NRG4: variants seen among roughly 807,000 people sequenced by gnomAD.
The protein encoded by NRG4 is pro-neuregulin-4, membrane-bound isoform.
Under a neutral mutation model 15.0 loss-of-function variants are expected in NRG4, and 10 were observed. The ratio of observed to expected loss-of-function variants is 0.67; its 90% CI spans 0.41 to 1.13. The LOEUF (loss-of-function observed/expected upper bound fraction) is 1.13. Among genes scored for constraint, NRG4 ranks in the 50% most tolerant of loss-of-function variants. The pLI is 0.00. For synonymous variants in NRG4, 41 were observed against 50.1 expected (o/e 0.82, Z 0.77); for missense variants, 139 against 140.2 (o/e 0.99, Z 0.04).
upstream of NRG4, among the ~76,000 whole-genome samples, chr15:76,014,164 T>C (rs2034903107): frequency 6.6e-6 from 1 of 152,234 alleles, no homozygotes; most frequent in African/African-American, 2.4e-5. Context: ...TCTGTTCATA[T>C]CCTTCACTCA....
intron 4 of NRG4, among the ~76,000 whole-genome samples, chr15:75,958,859 G>C (rs2032372603): frequency 6.6e-6 from 1 of 152,184 alleles, no homozygotes; most frequent in African/African-American, 2.4e-5. Context: ...AAACTTTGCT[G>C]CTCTGGGGCA....
Position 76,044,704 on chromosome 15 carries a change from G to A in NRG4, c.-105+7363C>T, listed in dbSNP as rs905625302. On this transcript the variant is annotated intron_variant, in intron 4 of 8. Coordinates refer to the NRG4 transcript ENST00000563910. ...CAAAAAATTAGCCGGGCATAGTGGC[G>A]GGCACCTGTAGTCCCAGCTACTTGG... 8.6e-4 allele frequency among the ~76,000 whole-genome samples: 128 copies of A among 149,492 alleles called. 8 individuals are homozygous for A. The highest frequency in any genetic ancestry group is 3.0e-3 in the African/African-American group (119 of 39,758).
intron 3 of NRG4, among the ~76,000 whole-genome samples, chr15:75,996,214 A>G (rs1361755032): frequency 6.6e-6 from 1 of 152,200 alleles, no homozygotes; most frequent in Non-Finnish European, 1.5e-5. Context: ...TTTAGACACT[A>G]GCTCTGTAAG....
chr15:75,940,029 G>A (rs1478274055), downstream of NRG4: 1 of 150,710 alleles, frequency 6.6e-6, no homozygotes, highest in Non-Finnish European at 1.5e-5. Context: ...AAAAAGAAAA[G>A]ACATCTAAGT....
rs550040843 is a variant in NRG4, at chr15:75,963,738, A to G, written c.105-1764T>C. Among the ~76,000 whole-genome samples the G allele has an allele frequency of 4.7e-4, 71 of 149,674 alleles. 2 individuals carry two copies. The South Asian group carries it at 0.013, about 28-fold the overall frequency. ...GGTTGCAGTGAGCTGAGATCGTGCC[A>G]CTGCACATCCAGCCTGGCAACAGAG... On this transcript the variant is annotated intron_variant, in intron 3 of 5. Transcript: ENST00000394907.
Position 75,993,284 on chromosome 15 carries a change from A to C in NRG4, c.104+15916T>G, listed in dbSNP as rs113146474. On this transcript the variant is annotated intron_variant, in intron 3 of 5. Transcript: ENST00000394907. The stretch of plus-strand genomic sequence containing the variant: ...AAAATTGGGGACCATCATTTCTTTA[A>C]ATATTGTTTTTTTTTTTTTCCTGCT... Among the ~76,000 whole-genome samples, 661 of 149,032 alleles carry C rather than the reference A, an allele frequency of 4.4e-3. 10 individuals are homozygous for C. Among genetic ancestry groups the C allele is most frequent in the South Asian group, 0.035 (167 of 4,770 alleles).
At chr15:76,030,361 G>C (rs945956795) in intron 5 of NRG4, among the ~76,000 whole-genome samples, 3 of 152,094 alleles carry the variant, frequency 2.0e-5, no homozygotes, top group African/African-American at 7.2e-5. Context: ...AACCAAAACA[G>C]CATGGTTCTG....
At position 76,045,105 on chromosome 15, in the gene NRG4, G is replaced by T. The variant is rs139997298; in HGVS notation, c.-105+6962C>A. 3.3e-4 allele frequency among the ~76,000 whole-genome samples: 50 copies of T among 150,964 alleles called. No homozygotes were observed. In the East Asian group the frequency reaches 9.3e-3, roughly 28 times the overall value. On this transcript the variant is annotated intron_variant, in intron 4 of 8. Transcript: ENST00000563910. ...AAACAACTCTATAGGAAAAAAACCTGATAATCTGGTATTAAAATGGACAGA... is the reference window on the plus strand; with the variant it reads ...AAACAACTCTATAGGAAAAAAACCTTATAATCTGGTATTAAAATGGACAGA...
chr15:76,047,504 A>G lies in NRG4; in HGVS notation c.-105+4563T>C, dbSNP rs572496640. On this transcript the variant is annotated intron_variant, in intron 4 of 8. Coordinates refer to the NRG4 transcript ENST00000563910. ...ATGAATCTGGAGGCCAATTATGTCAAGCAAAATAATCTAAGCACAGAAAGA... is the reference window on the plus strand; with the variant it reads ...ATGAATCTGGAGGCCAATTATGTCAGGCAAAATAATCTAAGCACAGAAAGA... 1.3e-3 allele frequency among the ~76,000 whole-genome samples: 190 copies of G among 151,042 alleles called. 10 individuals are homozygous for G. The highest frequency in any genetic ancestry group is 4.4e-3 in the African/African-American group (178 of 40,558).
chr15:75,965,180 G>A (rs1030496807), intron 3 of NRG4, among the ~76,000 whole-genome samples: 25 of 151,986 alleles, frequency 1.6e-4, no homozygotes, highest in Non-Finnish European at 3.4e-4. Context: ...AGCCGAGATC[G>A]GGCCACTGCA....
chr15:75,947,547 T>C (rs2031605499), intron 5 of NRG4, among the ~76,000 whole-genome samples: 1 of 152,224 alleles, frequency 6.6e-6, no homozygotes, highest in Non-Finnish European at 1.5e-5. Flanking sequence ...TAAACTCTTT[T>C]AAACTGAAAA....
intron 5 of NRG4, among the ~76,000 whole-genome samples, chr15:76,022,182 T>C (rs2035176289): frequency 6.6e-6 from 1 of 152,134 alleles, no homozygotes; most frequent in Non-Finnish European, 1.5e-5. Context: ...CTGCTCTAAA[T>C]GAAAGCCTTG....
At chr15:76,018,497 C>T (rs537987349) in intron 5 of NRG4, among the ~76,000 whole-genome samples, 10 of 152,256 alleles carry the variant, frequency 6.6e-5, no homozygotes, top group East Asian at 1.9e-4. Flanking sequence ...TTGTGACCTT[C>T]GGATGGGGTT....
At chr15:76,032,531 A>G (rs1254729423) in intron 5 of NRG4, among the ~76,000 whole-genome samples, 1 of 152,268 alleles carries the variant, frequency 6.6e-6, no homozygotes, top group African/African-American at 2.4e-5. Context: ...ACAACTTGTC[A>G]GTATGTGAAT....
At chr15:75,985,727 C>T (rs1301909616) in intron 3 of NRG4, among the ~76,000 whole-genome samples, 3 of 152,140 alleles carry the variant, frequency 2.0e-5, no homozygotes, top group East Asian at 3.8e-4. Context: ...CTATTCTCCA[C>T]ATCTTGAATA....
intron 5 of NRG4, among the ~76,000 whole-genome samples, chr15:76,023,264 G>A (rs1435924524): frequency 6.6e-6 from 1 of 151,154 alleles, no homozygotes; most frequent in Non-Finnish European, 1.5e-5. Flanking sequence ...CAGTAGGGGA[G>A]TGGGGAGGTA....
chr15:75,998,336 G>T (rs987924464), intron 3 of NRG4, among the ~76,000 whole-genome samples: 1 of 152,158 alleles, frequency 6.6e-6, no homozygotes. Context: ...GGCGAAGAAT[G>T]GGTTTTACTT....
chr15:75,967,380 A>G (rs920521384), intron 3 of NRG4, among the ~76,000 whole-genome samples: 14 of 151,870 alleles, frequency 9.2e-5, no homozygotes, highest in African/African-American at 3.1e-4. Context: ...TGACATTAGC[A>G]CCATTAAAAA....
chr15:75,984,022 G>T (rs2033699830), intron 3 of NRG4, among the ~76,000 whole-genome samples: 1 of 152,204 alleles, frequency 6.6e-6, no homozygotes, highest in South Asian at 2.1e-4. Context: ...AATGATAAAA[G>T]TTCCTGAAAA....
Sources: gnomAD v4.1 joint callset for allele counts (sites outside exome capture counted in the v4.1 genomes callset) on GRCh38, gnomAD v4.1.1 for gene constraint, MANE v1.5 for transcripts, NCBI Gene and HGNC (gene_info 2026-07-23, HGNC 2026-07-21) for gene names.